The following CYP7B1 variants were observed in gnomAD, a reference collection of about 807,000 sequenced individuals.
CYP7B1 encodes the protein cytochrome P450 family 7 subfamily B member 1.
Under a neutral mutation model 42.7 loss-of-function variants are expected in CYP7B1, and 29 were observed. The observed-to-expected ratio is 0.68, with a 90% CI of 0.51 to 0.93. The LOEUF is 0.93. CYP7B1 is among the 40% of genes least tolerant of loss of function. CYP7B1 has a pLI of 0.00. For missense variants in CYP7B1, 655 were observed against 600.5 expected (o/e 1.09, Z -0.95); for synonymous variants, 235 against 218.2 (o/e 1.08, Z -0.68).
chr8:64,721,148 T>G (rs1023368232), intron 1 of CYP7B1, among the ~76,000 whole-genome samples: 2 of 151,886 alleles, frequency 1.3e-5, no homozygotes, highest in African/African-American at 4.8e-5. Context: ...TTTGCTTTGT[T>G]TTTGCTTTAA....
intron 1 of CYP7B1, among the ~76,000 whole-genome samples, chr8:64,747,177 CATT>C (rs1319258265): frequency 2.0e-5 from 3 of 147,190 alleles, no homozygotes; most frequent in Non-Finnish European, 3.0e-5. Context: ...ATTACATAAG[CATT>C]ATATTTATAC....
At chr8:64,713,227 G>C (rs537279104) in intron 1 of CYP7B1, among the ~76,000 whole-genome samples, 13 of 152,096 alleles carry the variant, frequency 8.5e-5, no homozygotes, top group African/African-American at 2.7e-4. Context: ...AAATCAACCT[G>C]ATATCAAAAA....
intron 1 of CYP7B1, among the ~76,000 whole-genome samples, chr8:64,782,427 T>C (rs1804443249): frequency 6.6e-6 from 1 of 152,156 alleles, no homozygotes; most frequent in Non-Finnish European, 1.5e-5. Context: ...CCACCATCTA[T>C]GAGGAATGGG....
downstream of CYP7B1, among the ~76,000 whole-genome samples, chr8:64,590,107 G>A (rs1268942035): frequency 2.0e-5 from 3 of 152,154 alleles, no homozygotes; most frequent in Admixed American, 2.0e-4. Context: ...GAATAAAGTT[G>A]AAAACAAAAG....
rs760363522 is a variant in CYP7B1, at chr8:64,616,135, C to A, written c.406G>T (p.Asp136Tyr). 9.3e-6 allele frequency: 15 copies of A among 1,613,638 alleles called. No individual in the cohort carries two copies. Among genetic ancestry groups the A allele is most frequent in the Non-Finnish European group, 1.3e-5 (15 of 1,179,778 alleles). ...SQLQKNHDMN[D>Y]ELHLCYQFLQ... ...AATTGATAGCAGAGGTGAAGCTCAT[C>A]ATTCATGTCATGATTTTTTTGCAAC... Residue 136 changes from aspartate to tyrosine, a missense_variant, in exon 3 of 6, where the codon GAT becomes TAT. Asp to Tyr is a radical substitution (Grantham distance 160). Coordinates refer to ENST00000310193, the MANE Select transcript of CYP7B1 (RefSeq NM_004820.5).
At chr8:64,708,321 G>A (rs537892595) in intron 1 of CYP7B1, among the ~76,000 whole-genome samples, 1 of 152,206 alleles carries the variant, frequency 6.6e-6, no homozygotes, top group Admixed American at 6.6e-5. Flanking sequence ...CCTCACTGAG[G>A]CCACCAGTTC....
chr8:64,773,267 C>T (rs1036892583), intron 1 of CYP7B1, among the ~76,000 whole-genome samples: 4 of 152,264 alleles, frequency 2.6e-5, no homozygotes, highest in Middle Eastern at 3.4e-3. Context: ...TCAGCTATAT[C>T]CTCTTTGTTT....
chr8:64,685,177 G>T (rs1209162773), intron 1 of CYP7B1, among the ~76,000 whole-genome samples: 1 of 152,032 alleles, frequency 6.6e-6, no homozygotes, highest in Non-Finnish European at 1.5e-5. Context: ...CGCCGCCCGG[G>T]AGGCAGCGGC....
chr8:64,687,477 A>G (rs1585856652), intron 1 of CYP7B1, among the ~76,000 whole-genome samples: 1 of 152,218 alleles, frequency 6.6e-6, no homozygotes, highest in South Asian at 2.1e-4. Flanking sequence ...AAAATGTTCT[A>G]AAATGAAAAT....
At chr8:64,615,558 G>C in intron 3 of CYP7B1, 133 bp downstream of exon 3, 1 of 867,382 alleles carries the variant, frequency 1.2e-6, no homozygotes, top group Non-Finnish European at 1.8e-6. Context: ...GGTTATATCA[G>C]AGTAAAACAT....
intron 1 of CYP7B1, among the ~76,000 whole-genome samples, chr8:64,726,674 AG>A (rs1286727834): frequency 5.9e-5 from 9 of 152,228 alleles, no homozygotes; most frequent in African/African-American, 2.2e-4. Context: ...AAATGTGAGA[AG>A]CTTGTGTGGC....
At chr8:64,717,854 T>A (rs1807180644) in intron 1 of CYP7B1, among the ~76,000 whole-genome samples, 1 of 145,406 alleles carries the variant, frequency 6.9e-6, no homozygotes, top group African/African-American at 2.6e-5. Context: ...CTCCAAAAAA[T>A]AAGTTTTTTT....
downstream of CYP7B1, among the ~76,000 whole-genome samples, chr8:64,590,317 G>A (rs907377259): frequency 4.6e-5 from 7 of 152,238 alleles, no homozygotes; most frequent in Admixed American, 3.3e-4. Flanking sequence ...AATACTGTAC[G>A]TAGGGTTACT....
chr8:64,774,663 C>T (rs1032722055), intron 1 of CYP7B1, among the ~76,000 whole-genome samples: 2 of 152,144 alleles, frequency 1.3e-5, no homozygotes, highest in Non-Finnish European at 2.9e-5. Context: ...CTTTGTAACT[C>T]GGCTATAACC....
chr8:64,690,896 A>G (rs1443833503), intron 1 of CYP7B1, among the ~76,000 whole-genome samples: 2 of 152,192 alleles, frequency 1.3e-5, no homozygotes, highest in African/African-American at 4.8e-5. Flanking sequence ...TATGCCTTCC[A>G]GTAAGAAATG....
chr8:64,648,748 T>C lies in CYP7B1; in HGVS notation c.123-24209A>G, dbSNP rs1033623160. On this transcript the variant is annotated intron_variant, in intron 1 of 5. Transcript: ENST00000310193. ...AAGGCAAGAGGTGTAGAAGATGCTA[T>C]ACAACTTTTCTCATATTTAATTCCA... Among the ~76,000 whole-genome samples, 7 of 152,210 alleles carry C rather than the reference T, an allele frequency of 4.6e-5. No homozygotes were observed. The South Asian group carries it at 6.2e-4, about 14-fold the overall frequency.
chr8:64,649,408 T>C (rs867844086), intron 1 of CYP7B1, among the ~76,000 whole-genome samples: 1 of 152,368 alleles, frequency 6.6e-6, no homozygotes, highest in East Asian at 1.9e-4. Context: ...TTTAAGGCTA[T>C]ATAACATTCT....
intron 1 of CYP7B1, among the ~76,000 whole-genome samples, chr8:64,767,367 AG>A: frequency 6.6e-6 from 1 of 152,314 alleles, no homozygotes; most frequent in East Asian, 1.9e-4. Flanking sequence ...CGGATATTGA[AG>A]CCAAAAGAGC....
intron 1 of CYP7B1, among the ~76,000 whole-genome samples, chr8:64,788,656 C>T (rs1392037413): frequency 6.6e-6 from 1 of 152,174 alleles, no homozygotes; most frequent in Non-Finnish European, 1.5e-5. Context: ...AAATAATAAT[C>T]TTACTTGTTT....
Sources: gnomAD v4.1 joint callset for allele counts (sites outside exome capture counted in the v4.1 genomes callset) on GRCh38, gnomAD v4.1.1 for gene constraint, MANE v1.5 for transcripts, NCBI Gene and HGNC (gene_info 2026-07-23, HGNC 2026-07-21) for gene names.